The following RFC5 variants were observed in gnomAD, a reference collection of about 807,000 sequenced individuals.
The protein encoded by RFC5 is replication factor C subunit 5, also known as A1 36 kDa subunit.
In RFC5, 26 loss-of-function variants were observed where a neutral mutation model predicts 44.3. The ratio of observed to expected loss-of-function variants is 0.59; its 90% CI spans 0.43 to 0.81. The LOEUF (loss-of-function observed/expected upper bound fraction) is 0.81, where lower values mean the gene tolerates loss of function less well. Ranked by LOEUF, RFC5 falls within the 40% of genes least tolerant of loss-of-function variation. RFC5 has a pLI of 0.00. For synonymous variants in RFC5, 155 were observed against 155.2 expected, an observed-to-expected ratio of 1.00 and a Z score of 0.01; for missense variants, 328 against 418.6, an observed-to-expected ratio of 0.78 and a Z score of 1.89.
At chr12:118,039,812 C>T in the RFC5 span, among the ~76,000 whole-genome samples, 3 of 151,420 alleles carry the variant, frequency 2.0e-5, no homozygotes, top group Non-Finnish European at 4.4e-5. Flanking sequence ...GGCATGATCC[C>T]GGCTCACTGC....
At chr12:118,020,005 T>C (rs560543800) in intron 3 of RFC5, among the ~76,000 whole-genome samples, 2 of 152,314 alleles carry the variant, frequency 1.3e-5, no homozygotes, top group East Asian at 3.9e-4. Context: ...CTTGCCAACT[T>C]CTCCCCAAAC....
rs778900296 is a variant in RFC5 at position 118,026,803 on chromosome 12, C to T, written c.664-86C>T. On this transcript the variant is annotated intron_variant, in intron 7 of 10. Transcript: ENST00000454402. ...CTTTGCTGCTCACCTGCATTGCTGC[C>T]TTGGCAATTTCTTCTTGGCTCCCTG... is the stretch of plus-strand genomic sequence containing the variant. 1.4e-4 allele frequency: 212 copies of T among 1,491,682 alleles called. 1 individual carries two copies. The highest frequency in any genetic ancestry group is 1.8e-4 in the Non-Finnish European group (199 of 1,094,202). The allele number at this position is 1,491,682 out of a possible 1,614,324, so 92.4% of individuals were successfully genotyped here. A position where few individuals can be genotyped will look rare whatever the true frequency, so the allele number is the denominator to read the frequency against.
At chr12:118,026,698 C>CA (rs2030966235) in intron 7 of RFC5, among the ~76,000 whole-genome samples, 191 bp from the exon 8 acceptor site, 1 of 152,196 alleles carries the variant, frequency 6.6e-6, no homozygotes, top group Admixed American at 6.5e-5. Flanking sequence ...CTGGAATAGC[C>CA]AACAGGCTGT....
chr12:118,023,222 A>G (rs2137707903), intron 5 of RFC5, among the ~76,000 whole-genome samples: 1 of 151,604 alleles, frequency 6.6e-6, no homozygotes, highest in Non-Finnish European at 1.5e-5. Context: ...AGCGGGAGGG[A>G]CAGCACCCTG....
At chr12:118,028,180 A>C in intron 9 of RFC5, 150 bp downstream of exon 9, 1 of 626,580 alleles carries the variant, frequency 1.6e-6, no homozygotes, top group Non-Finnish European at 2.9e-6. Flanking sequence ...CTGTCTTGCC[A>C]CTGTTTAAAA....
the RFC5 span, among the ~76,000 whole-genome samples, chr12:118,038,711 T>TG: frequency 3.3e-5 from 5 of 152,154 alleles, no homozygotes; most frequent in Non-Finnish European, 7.4e-5. Context: ...GTCTTGCTCT[T>TG]GCTCTGTCTC....
At chr12:118,028,144 A>T in intron 9 of RFC5, 114 bp downstream of exon 9, 6 of 712,414 alleles carry the variant, frequency 8.4e-6, no homozygotes, top group Non-Finnish European at 1.5e-5. Flanking sequence ...AATGAATTGT[A>T]AATCAGACCC....
At chr12:118,021,236 G>C (rs747854823) in intron 4 of RFC5, among the ~76,000 whole-genome samples, 24 of 151,026 alleles carry the variant, frequency 1.6e-4, no homozygotes, top group Non-Finnish European at 3.2e-4. Context: ...TTTGGAGACA[G>C]GGTCGCCCTG....
At chr12:118,038,781 AG>A in the RFC5 span, among the ~76,000 whole-genome samples, 5 of 152,070 alleles carry the variant, frequency 3.3e-5, no homozygotes, top group Non-Finnish European at 5.9e-5. Context: ...CCCAAGTTGA[AG>A]CGATTCTCCT....
intron 3 of RFC5, among the ~76,000 whole-genome samples, chr12:118,020,338 A>G (rs2030399817): frequency 1.3e-5 from 2 of 152,206 alleles, no homozygotes; most frequent in South Asian, 2.1e-4. Context: ...CTTCAGGCTC[A>G]AGGGTGACAG....
chr12:118,039,171 G>C, the RFC5 span, among the ~76,000 whole-genome samples: 1 of 152,190 alleles, frequency 6.6e-6, no homozygotes, highest in Non-Finnish European at 1.5e-5. Flanking sequence ...CAGATGAGCA[G>C]TGGTGTGGAG....
chr12:118,033,018 G>A (rs1431149688), downstream of RFC5: 1 of 152,060 alleles, frequency 6.6e-6, no homozygotes, highest in Non-Finnish European at 1.5e-5. Flanking sequence ...CTTTCTCAAC[G>A]AGTCATGTAA....
rs371346746 is a variant in RFC5 at position 118,019,723 on chromosome 12, G to A, written c.222G>A (p.Ala74=). 4.9e-5 allele frequency: 79 copies of A among 1,613,802 alleles called. No homozygotes were observed. The highest frequency in any genetic ancestry group is 6.7e-5 in the African/African-American group (5 of 74,906). ...AGACATCTACCATCCTAGCCTGTGCGAAACAGCTATATAAAGACAAAGAAT... is the reference window on the plus strand; with the variant it reads ...AGACATCTACCATCCTAGCCTGTGCAAAACAGCTATATAAAGACAAAGAAT... ...TGKTSTILAC[A]KQLYKDKEFG... is the part of the protein sequence containing the mutation. The change falls in exon 3 of 11, where the codon GCG becomes GCA. Residue 74 remains alanine, a synonymous_variant. Transcript: ENST00000454402. This position sits in a 1 kb window ranked among gnomAD's most constrained non-coding sequence, Gnocchi z 4.2.
chr12:118,036,423 C>CG (rs1566135727), downstream of RFC5: 1 of 1,614,126 alleles, frequency 6.2e-7, no homozygotes. Flanking sequence ...AGGGCAGAGT[C>CG]GGGGGAGAAG....
Position 118,016,896 on chromosome 12 carries a change from G to A in RFC5, c.65+4G>A. 6.2e-7 allele frequency: 1 copy of A among 1,612,750 alleles called. No homozygotes were observed. Among genetic ancestry groups the A allele is most frequent in the Non-Finnish European group, 8.5e-7 (1 of 1,179,352 alleles). On this transcript the variant is annotated splice_donor_region_variant and intron_variant, in intron 1 of 10. Coordinates refer to ENST00000454402, the MANE Select transcript of RFC5 (RefSeq NM_007370.7). ...CCAAGATCAGGAACCTGCCCTGGTA[G>A]GAGGAGGCCGAGCGGCGGCGGTGGG...
Position 118,031,970 on chromosome 12 carries a change from A to G in RFC5, c.*692A>G, listed in dbSNP as rs2031347378. ...CTTGTTTTCATGCAGGAGCGGGGCA[A>G]GTAAGGTTGAGCCTGACTGTAAACC... is the stretch of plus-strand genomic sequence containing the variant. On this transcript the variant is annotated 3_prime_UTR_variant, in exon 11 of 11. Coordinates refer to ENST00000454402, the MANE Select transcript of RFC5 (RefSeq NM_007370.7). The G allele has an allele frequency of 6.6e-6, 1 of 152,236 alleles. No individual in the cohort carries two copies. The highest frequency in any genetic ancestry group is 6.5e-5 in the Admixed American group (1 of 15,284). 9.4% of individuals were successfully genotyped at this position (152,236 alleles called of 1,614,324 possible).
At position 118,016,754 on chromosome 12, in the gene RFC5, C is replaced by A; in HGVS notation, c.-74C>A. ...AAGTGCCAGGGTCTCAGGGTCAGGT[C>A]GCGGCTGGTCACTGTGCAGGCGCTT... is the stretch of plus-strand genomic sequence containing the variant. On this transcript the variant is annotated 5_prime_UTR_variant, in exon 1 of 11. Transcript: ENST00000454402. The A allele has an allele frequency of 7.9e-7, 1 of 1,272,998 alleles. No individual in the cohort carries two copies. Among genetic ancestry groups the A allele is most frequent in the Non-Finnish European group, 1.1e-6 (1 of 892,752 alleles). The allele number at this position is 1,272,998 out of a possible 1,614,324, so 78.9% of individuals were successfully genotyped here.
Position 118,023,652 on chromosome 12 carries a change from G to A in RFC5, c.422-1199G>A, listed in dbSNP as rs76813901. Among the ~76,000 whole-genome samples, 1,233 of 152,162 alleles carry A rather than the reference G, an allele frequency of 8.1e-3. 20 individuals are homozygous for A. The highest frequency in any genetic ancestry group is 0.028 in the African/African-American group (1,179 of 41,502). On this transcript the variant is annotated intron_variant, in intron 5 of 10. Transcript: ENST00000454402. The stretch of plus-strand genomic sequence containing the variant: ...CATTGGGTACCTACAGAATGGAACC[G>A]GTGTCATAAGCAACTCTTTGTTCGG...
chr12:118,016,984 A>C (rs2030128020), intron 1 of RFC5, 92 bp downstream of exon 1: 2 of 998,084 alleles, frequency 2.0e-6, no homozygotes, highest in South Asian at 1.4e-5. Flanking sequence ...CCGGACCCCA[A>C]CCCGACCTCT....
Sources: allele counts gnomAD v4.1 joint callset (sites outside exome capture counted in the v4.1 genomes callset), GRCh38; gene constraint gnomAD v4.1.1; non-coding constraint Gnocchi (gnomAD v3.1); transcripts MANE v1.5; gene names NCBI Gene and HGNC (gene_info 2026-07-23, HGNC 2026-07-21).